ZFP62: variants seen among roughly 807,000 people sequenced by gnomAD.
ZFP62 encodes ZFP62 zinc finger protein, also known as zinc finger protein 62 homolog.
A neutral mutation model predicts 56.4 loss-of-function variants in ZFP62; 44 were observed. The ratio of observed to expected loss-of-function variants is 0.78; its 90% CI spans 0.61 to 1.00. The LOEUF (loss-of-function observed/expected upper bound fraction) is 1.00. Among genes scored for constraint, ZFP62 ranks in the 50% least tolerant of loss-of-function variants. The pLI is 0.00. For synonymous variants in ZFP62, 421 were observed against 388.9 expected (o/e 1.08, Z -0.97); for missense variants, 1,030 against 1,085.7 (o/e 0.95, Z 0.72).
rs1773636543 is a variant in ZFP62, at chr5:180,850,507, T to A, written c.988A>T (p.Ile330Phe). 1.9e-6 allele frequency: 3 copies of A among 1,552,928 alleles called. No individual in the cohort carries two copies. The highest frequency in any genetic ancestry group is 2.6e-6 in the Non-Finnish European group (3 of 1,147,636). The change falls in exon 2 of 2, where the codon ATC becomes TTC. Residue 330 changes from isoleucine (I) to phenylalanine (F), a missense_variant. Physicochemically the swap from Ile to Phe is conservative, Grantham distance 21. Transcript: ENST00000502412. The part of the protein sequence containing the change: ...TCRTLLNHKS[I>F]HFGDKPYKCD... ...TTATAGGGTTTATCTCCAAAGTGGA[T>A]GCTTTTATGGTTGAGAAGTGTTCTA...
chr5:180,837,703 A>G, the ZFP62 span, among the ~76,000 whole-genome samples: 1 of 152,126 alleles, frequency 6.6e-6, no homozygotes, highest in Non-Finnish European at 1.5e-5. Flanking sequence ...ACTTACTGGA[A>G]TTTTCCCCAC....
downstream of ZFP62, chr5:180,847,514 CT>C (rs1180282474): frequency 1.1e-6 from 1 of 876,804 alleles, no homozygotes; most frequent in African/African-American, 1.8e-5. Context: ...TGGGATGAGT[CT>C]ACTACCCTCT....
the ZFP62 span, chr5:180,830,990 C>T: frequency 6.6e-6 from 1 of 152,534 alleles, no homozygotes; most frequent in African/African-American, 2.4e-5. Context: ...AGCCTCCTGC[C>T]CTCCTCCCCT....
At chr5:180,839,948 TAATG>T in the ZFP62 span, among the ~76,000 whole-genome samples, 1 of 152,254 alleles carries the variant, frequency 6.6e-6, no homozygotes, top group Non-Finnish European at 1.5e-5. Flanking sequence ...CCTGGTTAAT[TAATG>T]AAGAACTAAC....
At position 180,851,001 on chromosome 5, in the gene ZFP62, C is replaced by A. The variant is rs1448515216; in HGVS notation, c.494G>T (p.Gly165Val). ...RLVQHKIMHT[G>V]EKRYECDDCG... The stretch of plus-strand genomic sequence containing the variant: ...GTCATCACATTCATAGCGCTTTTCC[C>A]CAGTGTGCATAATTTTATGTTGAAC... Residue 165 changes from glycine to valine, a missense_variant, in exon 2 of 2, where the codon GGG (glycine) becomes GTG (valine). By Grantham distance (109) the Gly-to-Val change is moderately radical (BLOSUM62 -3). Transcript: ENST00000502412. The A allele has an allele frequency of 6.4e-7, 1 of 1,551,948 alleles. No individual in the cohort carries two copies.
chr5:180,842,683 G>C (rs996163601), downstream of ZFP62, among the ~76,000 whole-genome samples: 1 of 152,170 alleles, frequency 6.6e-6, no homozygotes, highest in Non-Finnish European at 1.5e-5. Flanking sequence ...GTATTCTAAA[G>C]AAAGTTTTCT....
chr5:180,839,041 T>TA, the ZFP62 span, among the ~76,000 whole-genome samples: 1 of 152,176 alleles, frequency 6.6e-6, no homozygotes, highest in Admixed American at 6.5e-5. Flanking sequence ...TAAAGTATGG[T>TA]ATAACTATAC....
chr5:180,849,725 C>T lies in ZFP62; in HGVS notation c.1770G>A (p.Lys590=), dbSNP rs1184608080. The stretch of plus-strand genomic sequence containing the variant: ...TGAAGGCCTTCTCACACTCGTCACA[C>T]TTAAAGGGCTTCTCCCCAGGGTGTA... ...KSVHPGEKPF[K]CDECEKAFIT... Residue 590 remains lysine, a synonymous_variant, in exon 2 of 2, where the codon AAG becomes AAA. Transcript: ENST00000502412. 5 of 1,551,692 alleles carry T rather than the reference C, an allele frequency of 3.2e-6. No individual in the cohort carries two copies. The highest frequency in any genetic ancestry group is 1.2e-5 in the South Asian group (1 of 84,044).
rs1773556371 is a variant in ZFP62, at chr5:180,849,395, G to T, written c.2100C>A (p.Pro700=). ...NHKSTHPGRT[P]HTCDECGKAF... ...CTTTTCCACATTCATCACATGTATG[G>T]GGTGTCCTGCCAGGGTGGGTACTCT... The change falls in exon 2 of 2, where the codon CCC becomes CCA. Residue 700 remains proline, a synonymous_variant. Coordinates refer to ENST00000502412, the MANE Select transcript of ZFP62 (RefSeq NM_001172638.2). The T allele has an allele frequency of 1.3e-6, 2 of 1,550,990 alleles. No homozygotes were observed. The highest frequency in any genetic ancestry group is 1.7e-6 in the Non-Finnish European group (2 of 1,146,628).
rs1773652349 is a variant in ZFP62 at position 180,850,758 on chromosome 5, A to G, written c.737T>C (p.Ile246Thr). Reference protein sequence around the residue: ...YSSVLDQHKRIHTGEKPYECG... With the variant: ...YSSVLDQHKRTHTGEKPYECG... ...TTCATAGGGCTTCTCCCCAGTGTGGATCCTTTTATGCTGGTCCAGAACAGA... is the reference window on the plus strand; with the variant it reads ...TTCATAGGGCTTCTCCCCAGTGTGGGTCCTTTTATGCTGGTCCAGAACAGA... Residue 246 changes from isoleucine (I) to threonine (T), a missense_variant, in exon 2 of 2, where the codon ATC becomes ACC. Physicochemically the swap from Ile to Thr is moderately conservative, Grantham distance 89 (BLOSUM62 -1). Transcript: ENST00000502412. 1 of 1,604,896 alleles carries G rather than the reference A, an allele frequency of 6.2e-7. No individual in the cohort carries two copies. Among genetic ancestry groups the G allele is most frequent in the Non-Finnish European group, 8.5e-7 (1 of 1,175,584 alleles).
In ZFP62 at chr5:180,850,136, C is replaced by G; in HGVS notation, c.1359G>C (p.Val453=). 1 of 1,551,780 alleles carries G rather than the reference C, an allele frequency of 6.4e-7. No homozygotes were observed. Among genetic ancestry groups the G allele is most frequent in the South Asian group, 1.2e-5 (1 of 84,066 alleles). ...HTGERPYVCD[V]CGKTFRNNAG... ...CATTGTTTCTGAACGTTTTCCCACA[C>G]ACATCACATACATAAGGTCTCTCTC... Residue 453 remains valine (V), a synonymous_variant, in exon 2 of 2, where the codon GTG becomes GTC. Coordinates refer to ENST00000502412, the MANE Select transcript of ZFP62 (RefSeq NM_001172638.2).
the ZFP62 span, among the ~76,000 whole-genome samples, chr5:180,833,282 C>T: frequency 6.6e-6 from 1 of 151,900 alleles, no homozygotes; most frequent in African/African-American, 2.4e-5. Flanking sequence ...AGATCGAGAC[C>T]ATCCTGGCTA....
chr5:180,830,649 G>C, the ZFP62 span: 2 of 152,106 alleles, frequency 1.3e-5, no homozygotes, highest in African/African-American at 4.8e-5. Flanking sequence ...CCACCATCAG[G>C]GTCTCAGTCA....
Position 180,850,442 on chromosome 5 carries a change from A to G in ZFP62, c.1053T>C (p.Leu351=), listed in dbSNP as rs576489594. Residue 351 remains leucine, a synonymous_variant, in exon 2 of 2, where the codon CTT becomes CTC. Transcript: ENST00000502412. ...TGTGGATGACTTTATGCTGAATGAG[A>G]AGAGAGCTATAATTAAAAGATTTCT... The part of the protein sequence containing the change: ...ECEKSFNYSS[L]LIQHKVIHTG... The G allele has an allele frequency of 5.9e-5, 91 of 1,553,824 alleles. No individual in the cohort carries two copies. The highest frequency in any genetic ancestry group is 1.7e-6 in the Non-Finnish European group (2 of 1,148,312).
chr5:180,854,002 G>A (rs1439381988), intron 1 of ZFP62, among the ~76,000 whole-genome samples: 2 of 152,182 alleles, frequency 1.3e-5, no homozygotes, highest in Non-Finnish European at 2.9e-5. Context: ...AGCCTGTATG[G>A]CTGTATGCAT....
At chr5:180,836,509 G>A in the ZFP62 span, among the ~76,000 whole-genome samples, 1 of 152,064 alleles carries the variant, frequency 6.6e-6, no homozygotes, top group African/African-American at 2.4e-5. Flanking sequence ...TTGCATTCAG[G>A]GCCCCTCAAA....
At chr5:180,845,853 G>A (rs955418953), downstream of ZFP62, 11 of 985,446 alleles carry the variant, frequency 1.1e-5, no homozygotes, top group South Asian at 9.4e-5. Flanking sequence ...GTTCAGTACC[G>A]TTTCACGCCC....
chr5:180,841,191 G>A, the ZFP62 span, among the ~76,000 whole-genome samples: 1 of 151,834 alleles, frequency 6.6e-6, no homozygotes, highest in Admixed American at 6.6e-5. Flanking sequence ...TGAACTTGCT[G>A]GATAAGAGAC....
chr5:180,841,312 CAT>C, the ZFP62 span, among the ~76,000 whole-genome samples: 1 of 49,994 alleles, frequency 2.0e-5, no homozygotes, highest in African/African-American at 7.2e-5. Context: ...TATATATATA[CAT>C]ACACACATAT....
Sources: allele counts gnomAD v4.1 joint callset (sites outside exome capture counted in the v4.1 genomes callset), GRCh38; gene constraint gnomAD v4.1.1; transcripts MANE v1.5; gene names NCBI Gene and HGNC (gene_info 2026-07-23, HGNC 2026-07-21).